Variants in MAML3 observed in about 807,000 individuals in gnomAD.
The protein encoded by MAML3 is mastermind like transcriptional coactivator 3, also known as mastermind-like protein 3.
MAML3 carries 27 observed loss-of-function variants against 101.9 expected under a neutral mutation model. That is an observed-to-expected ratio of 0.27 (90% confidence interval 0.20 to 0.37). MAML3 has a LOEUF of 0.37. Ranked by LOEUF, MAML3 falls within the 10% of genes least tolerant of loss-of-function variation. MAML3 has a pLI of 1.00. For synonymous variants in MAML3, 501 were observed against 555.9 expected, an observed-to-expected ratio of 0.90 and a Z score of 1.39; for missense variants, 1,316 against 1,444.9, an observed-to-expected ratio of 0.91 and a Z score of 1.45.
intron 2 of MAML3, among the ~76,000 whole-genome samples, chr4:139,864,072 A>C (rs1015687256): frequency 1.3e-5 from 2 of 152,208 alleles, no homozygotes; most frequent in Non-Finnish European, 2.9e-5. Flanking sequence ...CTGCCATAAA[A>C]TATAATTTTT....
intron 1 of MAML3, among the ~76,000 whole-genome samples, chr4:140,099,084 C>T (rs779759396): frequency 2.6e-5 from 4 of 151,980 alleles, no homozygotes; most frequent in Non-Finnish European, 5.9e-5. Context: ...ATAATTTATG[C>T]ACAAAAAAAT....
rs869076388 is a variant in MAML3, at chr4:139,946,925, A to ACTCT, written c.469-55962_469-55959dup. 1.6e-3 allele frequency among the ~76,000 whole-genome samples: 107 copies of ACTCT among 68,198 alleles called. 1 individual carries two copies. The highest frequency in any genetic ancestry group is 3.0e-3 in the South Asian group (7 of 2,334). The allele number at this position is 68,198 out of a possible 152,430, so 44.7% of individuals were successfully genotyped here. ...CACACACACACACACACACACACAC[A>ACTCT]CTCTCTCTCTCTCTCTCTCTCTCTC... On this transcript the variant is annotated intron_variant, in intron 1 of 4. Transcript: ENST00000509479.
chr4:139,860,287 G>A (rs1325598478), intron 2 of MAML3, among the ~76,000 whole-genome samples: 1 of 152,204 alleles, frequency 6.6e-6, no homozygotes, highest in Admixed American at 6.5e-5. Flanking sequence ...ACGTTCTTCT[G>A]CAGATAGTCC....
chr4:139,880,900 TAAATATTTAAGAACAAAG>T (rs1396484778), intron 2 of MAML3, among the ~76,000 whole-genome samples: 2 of 152,126 alleles, frequency 1.3e-5, no homozygotes, highest in African/African-American at 4.8e-5. Context: ...AAAAATGACA[TAAATATTTAAGAACAAAG>T]AAGATGGGAG....
At position 140,095,435 on chromosome 4, in the gene MAML3, C is replaced by T. The variant is rs149068968; in HGVS notation, c.468+57425G>A. On this transcript the variant is annotated intron_variant, in intron 1 of 4. Transcript: ENST00000509479. The stretch of plus-strand genomic sequence containing the variant: ...ACCCCCAATTGGCAACAACACCCTG[C>T]GCTCCAGGCTGAGGGTCAGGCTTAA... Among the ~76,000 whole-genome samples the T allele has an allele frequency of 4.6e-5, 7 of 152,250 alleles. 1 individual carries two copies. Among genetic ancestry groups the T allele is most frequent in the South Asian group, 4.2e-4 (2 of 4,814 alleles).
At chr4:139,984,349 G>A (rs1396531059) in intron 1 of MAML3, among the ~76,000 whole-genome samples, 1 of 152,182 alleles carries the variant, frequency 6.6e-6, no homozygotes, top group East Asian at 1.9e-4. Flanking sequence ...GAAAAGGATA[G>A]TAACCAAGGT....
At chr4:139,946,528 C>T (rs769664) in intron 1 of MAML3, among the ~76,000 whole-genome samples, 113,251 of 152,016 alleles carry the variant, frequency 0.74, 43,455 homozygotes, top group East Asian at 0.92. Flanking sequence ...CTATACCAAA[C>T]GTATAACTGC....
chr4:140,117,230 T>G (rs1728531017), intron 1 of MAML3, among the ~76,000 whole-genome samples: 1 of 152,142 alleles, frequency 6.6e-6, no homozygotes. Context: ...CCAAAGCAAA[T>G]GTTTGGGGTT....
At chr4:139,939,603 T>C (rs187938154) in intron 1 of MAML3, among the ~76,000 whole-genome samples, 2 of 152,294 alleles carry the variant, frequency 1.3e-5, no homozygotes, top group East Asian at 1.9e-4. Flanking sequence ...TGTCCTTCCA[T>C]AGCACCTTGT....
At chr4:139,844,994 G>GTC (rs553019330) in intron 2 of MAML3, among the ~76,000 whole-genome samples, 9 of 151,524 alleles carry the variant, frequency 5.9e-5, no homozygotes, top group Non-Finnish European at 1.0e-4. Flanking sequence ...CTCTCTGTCT[G>GTC]TCTCTCTCTC....
chr4:139,805,391 A>G (rs944195220), intron 2 of MAML3, among the ~76,000 whole-genome samples: 2 of 152,214 alleles, frequency 1.3e-5, no homozygotes, highest in African/African-American at 4.8e-5. Context: ...TTATTTAATT[A>G]CTAATGACTT....
intron 2 of MAML3, among the ~76,000 whole-genome samples, chr4:139,732,626 G>A (rs1329866298): frequency 6.8e-6 from 1 of 147,684 alleles, no homozygotes; most frequent in Admixed American, 6.7e-5. Context: ...TTTAAAAAAT[G>A]TAACTTAAAA....
chr4:140,049,672 C>CT (rs34353980), intron 1 of MAML3, among the ~76,000 whole-genome samples: 55,920 of 150,214 alleles, frequency 0.37, 10,653 homozygotes, highest in Middle Eastern at 0.4. Context: ...TGTTGCCTTC[C>CT]TTTTTTTTTA....
intron 1 of MAML3, among the ~76,000 whole-genome samples, chr4:139,989,850 A>AACACAC (rs71593737): frequency 0.2 from 24,074 of 120,914 alleles, 2,559 homozygotes; most frequent in Non-Finnish European, 0.27. Context: ...CACACAAACA[A>AACACAC]ACACACACAC....
chr4:140,086,590 A>G (rs952233099), intron 1 of MAML3, among the ~76,000 whole-genome samples: 4 of 152,216 alleles, frequency 2.6e-5, no homozygotes, highest in Admixed American at 6.5e-5. Flanking sequence ...TGGCAGAATC[A>G]GAACTAAAGT....
chr4:139,876,393 GC>G (rs1345893365), intron 2 of MAML3, among the ~76,000 whole-genome samples: 1 of 152,196 alleles, frequency 6.6e-6, no homozygotes, highest in East Asian at 1.9e-4. Context: ...GATGCAAGGG[GC>G]AAGTGTGTTT....
At chr4:139,727,042 T>C (rs1468816363) in intron 3 of MAML3, among the ~76,000 whole-genome samples, 1 of 152,338 alleles carries the variant, frequency 6.6e-6, no homozygotes, top group East Asian at 1.9e-4. Flanking sequence ...CCCTGTTCTT[T>C]AGAGTGTTCA....
intron 2 of MAML3, among the ~76,000 whole-genome samples, chr4:139,885,002 T>C (rs572148747): frequency 1.3e-5 from 2 of 152,220 alleles, no homozygotes; most frequent in Non-Finnish European, 2.9e-5. Context: ...CCATAGTAAG[T>C]TCTATTTCAT....
intron 1 of MAML3, among the ~76,000 whole-genome samples, chr4:140,000,193 G>A (rs548454205): frequency 4.6e-5 from 7 of 152,252 alleles, no homozygotes; most frequent in African/African-American, 1.7e-4. Context: ...TATTAAAACT[G>A]TCACAGTCAT....
Sources: allele counts gnomAD v4.1 joint callset (sites outside exome capture counted in the v4.1 genomes callset), GRCh38; gene constraint gnomAD v4.1.1; transcripts MANE v1.5; gene names NCBI Gene and HGNC (gene_info 2026-07-23, HGNC 2026-07-21).